EPB41L5: variants seen among roughly 807,000 people sequenced by gnomAD.
EPB41L5 encodes erythrocyte membrane protein band 4.1 like 5, also known as band 4.1-like protein 5.
Under a neutral mutation model 106.6 loss-of-function variants are expected in EPB41L5, and 55 were observed. The ratio of observed to expected loss-of-function variants is 0.52; its 90% CI spans 0.42 to 0.65. The LOEUF is 0.65. EPB41L5 is among the 30% of genes least tolerant of loss of function. The probability of loss-of-function intolerance (pLI) is 0.00; values close to 1 mark genes in which losing one functional copy is unlikely to be tolerated. For synonymous variants in EPB41L5, 297 were observed against 306.7 expected, an observed-to-expected ratio of 0.97 and a Z score of 0.33; for missense variants, 871 against 882.1, an observed-to-expected ratio of 0.99 and a Z score of 0.16.
chr2:120,160,980 A>C lies in EPB41L5; in HGVS notation c.1887+6A>C, dbSNP rs762377418. ...ACAGTGGTTCTGTTCTAAAGGTAAG[A>C]ATACTTTTACTTCTTAAAATTTTTG... On this transcript the variant is annotated splice_donor_region_variant and intron_variant, in intron 21 of 24. Coordinates refer to ENST00000263713, the MANE Select transcript of EPB41L5 (RefSeq NM_020909.4). 12 of 1,608,668 alleles carry C rather than the reference A, an allele frequency of 7.5e-6. No individual in the cohort carries two copies. The Admixed American group carries it at 1.0e-4, about 13-fold the overall frequency.
At chr2:120,023,659 A>G (rs1678098427) in intron 2 of EPB41L5, among the ~76,000 whole-genome samples, 1 of 152,200 alleles carries the variant, frequency 6.6e-6, no homozygotes, top group Non-Finnish European at 1.5e-5. Context: ...TGTCTTGGCT[A>G]TACGGGCTCT....
rs1201347510 is a variant in EPB41L5 at position 120,110,686 on chromosome 2, G to T, written c.1337+9872G>T. On this transcript the variant is annotated intron_variant, in intron 16 of 24. Transcript: ENST00000263713. Reference sequence around the variant, plus strand: ...AAGTCTCACTCTTGCCGAGGCTGGAGTGCAATGATGCAATCTCTGCTTACT... The same window carrying T: ...AAGTCTCACTCTTGCCGAGGCTGGATTGCAATGATGCAATCTCTGCTTACT... 2.0e-5 allele frequency among the ~76,000 whole-genome samples: 3 copies of T among 148,834 alleles called. No homozygotes were observed. In the East Asian group the frequency reaches 5.9e-4, roughly 29 times the overall value.
chr2:120,103,079 A>T (rs1335279172), intron 16 of EPB41L5, among the ~76,000 whole-genome samples: 1 of 152,142 alleles, frequency 6.6e-6, no homozygotes, highest in Non-Finnish European at 1.5e-5. Flanking sequence ...TATTTTAGTT[A>T]ATTTATTTTC....
intron 20 of EPB41L5, 166 bp from the exon 21 acceptor site, chr2:120,160,715 G>A (rs1574780512): frequency 1.7e-6 from 1 of 586,436 alleles, no homozygotes; most frequent in East Asian, 2.8e-5. Flanking sequence ...GCGAGATGAT[G>A]TCTCATCATA....
At chr2:120,098,847 T>C (rs1413880245) in intron 14 of EPB41L5, among the ~76,000 whole-genome samples, 1 of 152,266 alleles carries the variant, frequency 6.6e-6, no homozygotes, top group Non-Finnish European at 1.5e-5. Context: ...TGCTCTCACC[T>C]TGTTAGAAAG....
intron 14 of EPB41L5, among the ~76,000 whole-genome samples, chr2:120,099,346 T>G (rs1277811732): frequency 3.4e-5 from 5 of 146,940 alleles, no homozygotes; most frequent in Non-Finnish European, 7.7e-5. Flanking sequence ...GTTTCTGGGT[T>G]TTTTTTTTTG....
chr2:120,063,741 T>A (rs1179976817), intron 3 of EPB41L5, among the ~76,000 whole-genome samples: 6 of 150,656 alleles, frequency 4.0e-5, no homozygotes, highest in African/African-American at 1.5e-4. Flanking sequence ...AGGTCAGGAG[T>A]TCAAGTTCAG....
chr2:120,042,450 C>T (rs1189254081), intron 3 of EPB41L5, among the ~76,000 whole-genome samples: 1 of 152,164 alleles, frequency 6.6e-6, no homozygotes, highest in Non-Finnish European at 1.5e-5. Flanking sequence ...ATGGGAGTTT[C>T]ATGGGCTCTT....
At chr2:120,092,154 G>C (rs1683465635) in intron 13 of EPB41L5, among the ~76,000 whole-genome samples, 1 of 152,018 alleles carries the variant, frequency 6.6e-6, no homozygotes, top group Non-Finnish European at 1.5e-5. Flanking sequence ...TCAGCCACCT[G>C]AGTAGCTGGG....
At chr2:120,034,951 A>G (rs777802115) in intron 2 of EPB41L5, among the ~76,000 whole-genome samples, 61 of 152,216 alleles carry the variant, frequency 4.0e-4, no homozygotes, top group African/African-American at 1.4e-3. Context: ...TTCATTTCCA[A>G]TAATGACTTT....
rs527257215 is a variant in EPB41L5 at position 120,151,931 on chromosome 2, T to C, written c.1793+5642T>C. ...CACACCCAGCTGGTTTTTTCTGCAT[T>C]CTATAAGATTTTCTATATACATGAT... On this transcript the variant is annotated intron_variant, in intron 20 of 24. Transcript: ENST00000263713. Among the ~76,000 whole-genome samples, 129 of 152,288 alleles carry C rather than the reference T, an allele frequency of 8.5e-4. 2 individuals carry two copies. The highest frequency in any genetic ancestry group is 1.0e-3 in the Admixed American group (16 of 15,288).
chr2:120,143,115 T>A lies in EPB41L5; in HGVS notation c.1712T>A (p.Val571Glu). The A allele has an allele frequency of 6.2e-7, 1 of 1,603,872 alleles. No individual in the cohort carries two copies. Among genetic ancestry groups the A allele is most frequent in the Non-Finnish European group, 8.5e-7 (1 of 1,176,132 alleles). ...DFKSNILKAQ[V>E]EAVHKVTKED... ...AAGAGTAACATTTTGAAGGCTCAAG[T>A]AGAAGCAGTGCATAAGGTAAGCTGC... is the stretch of plus-strand genomic sequence containing the variant. Residue 571 changes from valine to glutamate, a missense_variant, in exon 19 of 25, where the codon GTA (valine) becomes GAA (glutamate). Val to Glu is a moderately radical substitution (Grantham distance 121). Transcript: ENST00000263713.
intron 3 of EPB41L5, among the ~76,000 whole-genome samples, chr2:120,064,098 G>GTTTATAGTGGAATC (rs1681281542): frequency 1.3e-5 from 2 of 152,168 alleles, no homozygotes; most frequent in Non-Finnish European, 2.9e-5. Flanking sequence ...CACTCAGGAA[G>GTTTATAGTGGAATC]TTTATAGTGG....
chr2:120,015,565 A>C (rs979438447), intron 1 of EPB41L5, among the ~76,000 whole-genome samples: 3 of 152,116 alleles, frequency 2.0e-5, no homozygotes, highest in Non-Finnish European at 4.4e-5. Flanking sequence ...TCCGTGTAGG[A>C]TGAAACTCTC....
chr2:120,165,262 A>G (rs1031426872), intron 22 of EPB41L5, among the ~76,000 whole-genome samples: 1 of 152,230 alleles, frequency 6.6e-6, no homozygotes, highest in Non-Finnish European at 1.5e-5. Flanking sequence ...GAACATATCA[A>G]TCATTATTAC....
At chr2:120,164,814 T>G in intron 21 of EPB41L5, 22 bp from the exon 22 acceptor site, 1 of 1,573,394 alleles carries the variant, frequency 6.4e-7, no homozygotes, top group Non-Finnish European at 8.7e-7. Context: ...ATTTAACAAT[T>G]CTAGATTCCT....
chr2:120,167,371 G>C (rs1452769869), intron 22 of EPB41L5, 95 bp from the exon 23 acceptor site: 2 of 1,092,840 alleles, frequency 1.8e-6, no homozygotes, highest in Non-Finnish European at 2.8e-6. Flanking sequence ...TGCCCTCCTA[G>C]AATGGATTTC....
chr2:120,153,813 A>G (rs914492864), intron 20 of EPB41L5, among the ~76,000 whole-genome samples: 1 of 152,180 alleles, frequency 6.6e-6, no homozygotes, highest in Non-Finnish European at 1.5e-5. Context: ...TATAGCAACC[A>G]CAGCTGTCTT....
At chr2:120,111,583 C>T (rs1422562666) in intron 16 of EPB41L5, among the ~76,000 whole-genome samples, 1 of 152,134 alleles carries the variant, frequency 6.6e-6, no homozygotes, top group Non-Finnish European at 1.5e-5. Flanking sequence ...AGATTTCTTT[C>T]AGAATCAGTA....
Sources: allele counts gnomAD v4.1 joint callset (sites outside exome capture counted in the v4.1 genomes callset), GRCh38; gene constraint gnomAD v4.1.1; transcripts MANE v1.5; gene names NCBI Gene and HGNC (gene_info 2026-07-23, HGNC 2026-07-21).